The following SPEF2 variants were observed in gnomAD, a reference collection of about 807,000 sequenced individuals.
SPEF2 encodes the protein sperm flagellar and cilia associated 2, also known as sperm flagella and cilia-associated protein 2.
SPEF2 carries 187 observed loss-of-function variants against 224.6 expected under a neutral mutation model. The observed-to-expected ratio is 0.83, with a 90% CI of 0.74 to 0.94. The LOEUF (loss-of-function observed/expected upper bound fraction) is 0.94. Ranked by LOEUF, SPEF2 falls within the 40% of genes least tolerant of loss-of-function variation. The pLI is 0.00. For synonymous variants in SPEF2, 715 were observed against 707.3 expected (o/e 1.01, Z -0.17); for missense variants, 2,170 against 2,135.6 (o/e 1.02, Z -0.32).
Position 35,645,753 on chromosome 5 carries a change from A to G in SPEF2, c.586-914A>G, listed in dbSNP as rs183494204. 1.4e-3 allele frequency among the ~76,000 whole-genome samples: 220 copies of G among 152,350 alleles called. 1 individual carries two copies. The highest frequency in any genetic ancestry group is 4.2e-3 in the Admixed American group (65 of 15,308). On this transcript the variant is annotated intron_variant, in intron 4 of 36. Transcript: ENST00000356031. Reference sequence around the variant, plus strand: ...ACCATTAAATATTCTGAAATAAATTATGTTCAAAATGATCATAGGGAACAA... The same window carrying G: ...ACCATTAAATATTCTGAAATAAATTGTGTTCAAAATGATCATAGGGAACAA...
At chr5:35,806,390 A>G (rs1239268941) in intron 34 of SPEF2, among the ~76,000 whole-genome samples, 2 of 152,222 alleles carry the variant, frequency 1.3e-5, no homozygotes, top group Admixed American at 1.3e-4. Context: ...TAAAATCTAT[A>G]TACATGTGTA....
intron 30 of SPEF2, chr5:35,789,733 T>C (rs1338877104): frequency 7.3e-6 from 5 of 681,408 alleles, no homozygotes; most frequent in Non-Finnish European, 1.1e-5. Context: ...ACTTTGAACC[T>C]ATTATTCTCC....
rs1015856684 is a variant in SPEF2, at chr5:35,707,539, A to G, written c.2666-1409A>G. Among the ~76,000 whole-genome samples the G allele has an allele frequency of 4.6e-5, 7 of 152,344 alleles. 1 individual carries two copies. Among genetic ancestry groups the G allele is most frequent in the East Asian group, 1.9e-4 (1 of 5,194 alleles). On this transcript the variant is annotated intron_variant, in intron 18 of 36. Coordinates refer to ENST00000356031, the MANE Select transcript of SPEF2 (RefSeq NM_024867.4). ...AAGGGTGGAGTAAGCACATGTAAAG[A>G]GAAATAGTCATGCAAGAACATAGGC...
chr5:35,694,168 T>G (rs1172306272), intron 12 of SPEF2, 120 bp from the exon 13 acceptor site: 4 of 721,376 alleles, frequency 5.5e-6, no homozygotes, highest in Admixed American at 3.0e-5. Flanking sequence ...AAATCATTAA[T>G]GTTATAGACA....
intron 10 of SPEF2, chr5:35,671,190 A>G: frequency 2.0e-6 from 2 of 985,398 alleles, no homozygotes; most frequent in South Asian, 9.4e-5. Flanking sequence ...TACATACTCA[A>G]CAAAGGTTTG....
Position 35,751,065 on chromosome 5 carries a change from A to ATACG in SPEF2, c.3331-2558_3331-2557insACGT, listed in dbSNP as rs1278217826. The stretch of plus-strand genomic sequence containing the variant: ...TATGTATATATATATACGTATATAT[A>ATACG]TGTATATATATATACACACACACAC... On this transcript the variant is annotated intron_variant, in intron 23 of 36. Coordinates refer to ENST00000356031, the MANE Select transcript of SPEF2 (RefSeq NM_024867.4). Among the ~76,000 whole-genome samples the ATACG allele has an allele frequency of 9.8e-4, 33 of 33,650 alleles. 2 individuals are homozygous for ATACG. The highest frequency in any genetic ancestry group is 7.5e-3 in the South Asian group (4 of 536). The allele number at this position is 33,650 out of a possible 152,430, so 22.1% of individuals were successfully genotyped here.
In SPEF2 at chr5:35,759,422, C is replaced by T. The variant is rs1044786305; in HGVS notation, c.3469-146C>T. 6 of 642,090 alleles carry T rather than the reference C, an allele frequency of 9.3e-6. 1 individual carries two copies. The African/African-American group carries it at 1.1e-4, about 12-fold the overall frequency. The allele number at this position is 642,090 out of a possible 1,614,324, so 39.8% of individuals were successfully genotyped here. A position where few individuals can be genotyped will look rare whatever the true frequency, so the allele number is the denominator to read the frequency against. On this transcript the variant is annotated intron_variant, in intron 24 of 36. Transcript: ENST00000356031. ...TTTTAATGAAAATCTTAGATATAGACTTGTAACTAATGTTCCTTCTTATTT... is the reference window on the plus strand; with the variant it reads ...TTTTAATGAAAATCTTAGATATAGATTTGTAACTAATGTTCCTTCTTATTT...
intron 36 of SPEF2, among the ~76,000 whole-genome samples, chr5:35,808,776 ATATATATG>A (rs1209517390): frequency 8.8e-5 from 13 of 147,704 alleles, no homozygotes; most frequent in East Asian, 3.9e-4. Context: ...ATATACACAC[ATATATATG>A]TATATATGTA....
intron 8 of SPEF2, among the ~76,000 whole-genome samples, chr5:35,660,325 T>C (rs979824761): frequency 6.6e-6 from 1 of 152,180 alleles, no homozygotes; most frequent in Non-Finnish European, 1.5e-5. Context: ...TCATAAGATA[T>C]TCACAAAACC....
intron 31 of SPEF2, among the ~76,000 whole-genome samples, chr5:35,792,736 T>C (rs763676878): frequency 3.9e-5 from 6 of 152,230 alleles, no homozygotes; most frequent in Non-Finnish European, 8.8e-5. Flanking sequence ...TAACTAGTAA[T>C]AGTAGATAAT....
intron 30 of SPEF2, among the ~76,000 whole-genome samples, chr5:35,785,308 C>A (rs1754942198): frequency 6.6e-6 from 1 of 152,116 alleles, no homozygotes; most frequent in Non-Finnish European, 1.5e-5. Context: ...TCTGTTAAAA[C>A]TGTTTATGAG....
chr5:35,708,640 A>G (rs1740402032), intron 18 of SPEF2, among the ~76,000 whole-genome samples: 1 of 554 alleles, frequency 1.8e-3, no homozygotes, highest in Non-Finnish European at 4.4e-3. Context: ...CATCACCTCT[A>G]CCAGCACCTC....
intron 20 of SPEF2, among the ~76,000 whole-genome samples, chr5:35,719,249 G>C (rs1044015353): frequency 6.6e-6 from 1 of 152,102 alleles, no homozygotes; most frequent in East Asian, 1.9e-4. Context: ...CTAAAATATA[G>C]GGGAAAACTT....
At chr5:35,763,963 A>T (rs906858873) in intron 26 of SPEF2, among the ~76,000 whole-genome samples, 5 of 152,192 alleles carry the variant, frequency 3.3e-5, no homozygotes, top group Non-Finnish European at 4.4e-5. Context: ...CAGTCAGGAA[A>T]TGTTAATGAG....
intron 8 of SPEF2, among the ~76,000 whole-genome samples, chr5:35,659,992 A>G (rs1165721510): frequency 6.6e-6 from 1 of 151,888 alleles, no homozygotes; most frequent in Non-Finnish European, 1.5e-5. Context: ...GGTGCACTGT[A>G]GTTGAGAATG....
At chr5:35,785,903 C>T (rs1446858771) in intron 30 of SPEF2, among the ~76,000 whole-genome samples, 1 of 152,094 alleles carries the variant, frequency 6.6e-6, no homozygotes, top group Non-Finnish European at 1.5e-5. Flanking sequence ...CCATTTTCCC[C>T]TTTGCCTGGA....
At chr5:35,702,607 A>T (rs1738876845) in intron 16 of SPEF2, among the ~76,000 whole-genome samples, 1 of 152,184 alleles carries the variant, frequency 6.6e-6, no homozygotes. Flanking sequence ...CTGGGTGCTG[A>T]CTGTCTTCAG....
intron 10 of SPEF2, among the ~76,000 whole-genome samples, chr5:35,681,963 A>T (rs192823814): frequency 2.6e-5 from 4 of 152,312 alleles, no homozygotes; most frequent in African/African-American, 7.2e-5. Flanking sequence ...GTCCATCATG[A>T]TGAACATAAA....
chr5:35,807,686 G>T lies in SPEF2; in HGVS notation c.5379+433G>T. On this transcript the variant is annotated intron_variant, in intron 36 of 36. Transcript: ENST00000356031. Reference sequence around the variant, plus strand: ...AAATGATAGTGTGTGCAAAAGGTTGGGCACCACTTCCATCAGGAAAACAGT... The same window carrying T: ...AAATGATAGTGTGTGCAAAAGGTTGTGCACCACTTCCATCAGGAAAACAGT... The T allele has an allele frequency of 2.6e-6, 4 of 1,535,966 alleles. 1 individual carries two copies. The South Asian group carries it at 4.8e-5, about 18-fold the overall frequency.
Sources: allele counts gnomAD v4.1 joint callset (sites outside exome capture counted in the v4.1 genomes callset), GRCh38; gene constraint gnomAD v4.1.1; transcripts MANE v1.5; gene names NCBI Gene and HGNC (gene_info 2026-07-23, HGNC 2026-07-21).